Variants in ADD3 observed in about 807,000 individuals in gnomAD.
ADD3 encodes the protein gamma-adducin.
A neutral mutation model predicts 80.2 loss-of-function variants in ADD3; 25 were observed. The ratio of observed to expected loss-of-function variants is 0.31; its 90% CI spans 0.23 to 0.44. ADD3 has a LOEUF of 0.44. Among genes scored for constraint, ADD3 ranks in the 20% least tolerant of loss-of-function variants. The probability of loss-of-function intolerance (pLI) is 1.00; values close to 1 mark genes in which losing one functional copy is unlikely to be tolerated. For missense variants in ADD3, 829 were observed against 847.5 expected, an observed-to-expected ratio of 0.98 and a Z score of 0.27; for synonymous variants, 284 against 289.6, an observed-to-expected ratio of 0.98 and a Z score of 0.20.
At chr10:110,128,097 G>A (rs1390886305) in intron 12 of ADD3, among the ~76,000 whole-genome samples, 1 of 123,790 alleles carries the variant, frequency 8.1e-6, no homozygotes, top group African/African-American at 3.1e-5. Context: ...CTGCATCCCT[G>A]CTGTTCTGAA....
At chr10:110,067,266 C>T (rs1203549947) in intron 1 of ADD3, among the ~76,000 whole-genome samples, 3 of 152,156 alleles carry the variant, frequency 2.0e-5, no homozygotes, top group Non-Finnish European at 2.9e-5. Context: ...AAGTAATTTG[C>T]ACCTGGAAGA....
intron 3 of ADD3, among the ~76,000 whole-genome samples, chr10:110,115,436 A>G (rs1005226581): frequency 1.3e-5 from 2 of 152,116 alleles, no homozygotes; most frequent in Admixed American, 6.5e-5. Context: ...GGAGGACCTG[A>G]TCAGAACTAA....
intron 1 of ADD3, among the ~76,000 whole-genome samples, chr10:110,100,376 GA>G (rs1305236534): frequency 1.4e-5 from 2 of 145,868 alleles, no homozygotes; most frequent in African/African-American, 5.1e-5. Context: ...AAAGGCAGTT[GA>G]TGACATTAAC....
At position 110,041,926 on chromosome 10, in the gene ADD3, A is replaced by G. The variant is rs185499730; in HGVS notation, c.-30+33627A>G. The stretch of plus-strand genomic sequence containing the variant: ...ATGAAGGCCATGGATTCTCCCCCCA[A>G]AAAATATGTGGATAATTTTTTTATA... On this transcript the variant is annotated intron_variant, in intron 1 of 14. Transcript: ENST00000356080. Among the ~76,000 whole-genome samples, 7 of 152,342 alleles carry G rather than the reference A, an allele frequency of 4.6e-5. No individual in the cohort carries two copies. The East Asian group carries it at 1.2e-3, about 25-fold the overall frequency.
chr10:110,069,658 G>T (rs1844429240), intron 1 of ADD3, among the ~76,000 whole-genome samples: 1 of 151,970 alleles, frequency 6.6e-6, no homozygotes, highest in South Asian at 2.1e-4. Flanking sequence ...CCTTGACCAT[G>T]AAATTTGTTT....
chr10:110,072,447 C>T (rs1481831283), intron 1 of ADD3, among the ~76,000 whole-genome samples: 6 of 152,148 alleles, frequency 3.9e-5, no homozygotes, highest in African/African-American at 7.2e-5. Context: ...GCACACTGTA[C>T]GTGTGAGAGG....
chr10:110,118,819 C>A, intron 6 of ADD3, 83 bp downstream of exon 6: 1 of 1,358,572 alleles, frequency 7.4e-7, no homozygotes, highest in Non-Finnish European at 1.0e-6. Flanking sequence ...GCTTTACTAT[C>A]TGCTTTTCAA....
intron 1 of ADD3, among the ~76,000 whole-genome samples, chr10:110,032,410 G>C (rs1345357670): frequency 6.6e-6 from 1 of 152,176 alleles, no homozygotes; most frequent in Non-Finnish European, 1.5e-5. Flanking sequence ...CAAGCAAGTG[G>C]TGGTGACTTT....
chr10:110,030,166 A>G (rs1461616710), intron 1 of ADD3, among the ~76,000 whole-genome samples: 1 of 149,432 alleles, frequency 6.7e-6, no homozygotes, highest in Non-Finnish European at 1.5e-5. Flanking sequence ...TCTACTAAAA[A>G]TACAAAATTA....
At chr10:110,035,526 G>T (rs1023751877) in intron 1 of ADD3, among the ~76,000 whole-genome samples, 3 of 152,178 alleles carry the variant, frequency 2.0e-5, no homozygotes, top group Admixed American at 6.5e-5. Flanking sequence ...TAGACTTGCT[G>T]ACTAAACAGA....
intron 8 of ADD3, among the ~76,000 whole-genome samples, chr10:110,120,302 C>G (rs1294322161): frequency 7.1e-6 from 1 of 141,448 alleles, no homozygotes; most frequent in South Asian, 2.3e-4. Context: ...TCAATTCCCA[C>G]CTATGAGTGA....
chr10:110,034,938 C>T (rs528450313), intron 1 of ADD3, among the ~76,000 whole-genome samples: 1 of 152,296 alleles, frequency 6.6e-6, no homozygotes, highest in South Asian at 2.1e-4. Flanking sequence ...AGCCATGTTT[C>T]AGGTTTTGGA....
chr10:110,032,380 C>T (rs1430534859), intron 1 of ADD3, among the ~76,000 whole-genome samples: 2 of 152,180 alleles, frequency 1.3e-5, no homozygotes, highest in African/African-American at 4.8e-5. Context: ...CACTCATCCA[C>T]TTCTGCCTTC....
At chr10:110,118,448 T>G in intron 5 of ADD3, 139 bp from the exon 6 acceptor site, 1 of 642,122 alleles carries the variant, frequency 1.6e-6, no homozygotes. Flanking sequence ...TTTGAGTAAT[T>G]GCAGCAGAGG....
chr10:110,057,833 T>C (rs1858393757), intron 1 of ADD3, among the ~76,000 whole-genome samples: 1 of 152,200 alleles, frequency 6.6e-6, no homozygotes, highest in Non-Finnish European at 1.5e-5. Flanking sequence ...CAAGCAGTGA[T>C]TCTTTGAAAT....
chr10:110,072,205 GT>G (rs1291700868), intron 1 of ADD3, among the ~76,000 whole-genome samples: 1 of 152,126 alleles, frequency 6.6e-6, no homozygotes, highest in Non-Finnish European at 1.5e-5. Flanking sequence ...AGGACTACAG[GT>G]GCCTGCCACC....
intron 1 of ADD3, among the ~76,000 whole-genome samples, chr10:110,047,270 G>T (rs146879949): frequency 6.6e-6 from 1 of 152,144 alleles, no homozygotes; most frequent in African/African-American, 2.4e-5. Context: ...TAGATTTGCC[G>T]ACTTAACACA....
intron 1 of ADD3, among the ~76,000 whole-genome samples, chr10:110,098,593 A>G (rs1848442666): frequency 6.6e-6 from 1 of 151,874 alleles, no homozygotes; most frequent in Admixed American, 6.6e-5. Context: ...TAACACCCAT[A>G]TTTCTTAAAG....
At chr10:110,092,597 G>A (rs886395487) in intron 1 of ADD3, among the ~76,000 whole-genome samples, 6 of 152,006 alleles carry the variant, frequency 3.9e-5, no homozygotes, top group Non-Finnish European at 5.9e-5. Context: ...GGGTGAAGGC[G>A]GAAAAACTGC....
Sources: allele counts gnomAD v4.1 joint callset (sites outside exome capture counted in the v4.1 genomes callset), GRCh38; gene constraint gnomAD v4.1.1; transcripts MANE v1.5; gene names NCBI Gene and HGNC (gene_info 2026-07-23, HGNC 2026-07-21).